DSCAM: variants seen among roughly 807,000 people sequenced by gnomAD.
DSCAM encodes cell adhesion molecule DSCAM.
DSCAM carries 47 observed loss-of-function variants against 217.7 expected under a neutral mutation model. The observed-to-expected ratio is 0.22, with a 90% CI of 0.17 to 0.28. DSCAM has a LOEUF of 0.28. Among genes scored for constraint, DSCAM ranks in the 10% least tolerant of loss-of-function variants. The probability of loss-of-function intolerance (pLI) is 1.00; values close to 1 mark genes in which losing one functional copy is unlikely to be tolerated. For missense variants in DSCAM, 2,080 were observed against 2,618.3 expected (o/e 0.79, Z 4.49); for synonymous variants, 1,056 against 1,015.3 (o/e 1.04, Z -0.76).
chr21:40,289,156 A>G (rs970721810), intron 10 of DSCAM, among the ~76,000 whole-genome samples: 7 of 152,218 alleles, frequency 4.6e-5, no homozygotes, highest in Non-Finnish European at 1.0e-4. Context: ...TCTATTTCCT[A>G]TGAAATTAGA....
At chr21:40,240,356 T>TTTTTTG (rs2073134653) in intron 11 of DSCAM, among the ~76,000 whole-genome samples, 2 of 133,384 alleles carry the variant, frequency 1.5e-5, no homozygotes, top group African/African-American at 2.7e-5. Flanking sequence ...CTGGTTTTTT[T>TTTTTTG]TTTTTTTTTT....
chr21:40,199,437 T>C (rs139110229), intron 11 of DSCAM, among the ~76,000 whole-genome samples: 3 of 152,362 alleles, frequency 2.0e-5, no homozygotes, highest in Non-Finnish European at 4.4e-5. Context: ...TTTGCTATTG[T>C]AAATACTGCA....
At chr21:40,654,302 T>C (rs1297279520) in intron 3 of DSCAM, among the ~76,000 whole-genome samples, 1 of 152,194 alleles carries the variant, frequency 6.6e-6, no homozygotes, top group Non-Finnish European at 1.5e-5. Context: ...AATGGAGCTC[T>C]AGGTTGAGTC....
chr21:40,405,125 G>T (rs572690297), intron 3 of DSCAM, among the ~76,000 whole-genome samples: 19 of 152,330 alleles, frequency 1.2e-4, no homozygotes, highest in African/African-American at 4.6e-4. Flanking sequence ...CAGGAACTGA[G>T]AATCTAGTGG....
intron 15 of DSCAM, among the ~76,000 whole-genome samples, chr21:40,174,553 GA>G (rs1192417118): frequency 4.9e-5 from 7 of 144,086 alleles, no homozygotes; most frequent in African/African-American, 1.8e-4. Context: ...TTTTAAAGAT[GA>G]AAAAACTATG....
Position 40,498,630 on chromosome 21 carries a change from G to GTATA in DSCAM, c.509-129389_509-129386dup, listed in dbSNP as rs373254647. ...TATATAATATGTATATATGCACTAT[G>GTATA]TATATATATATATATAGTGTGTGTG... On this transcript the variant is annotated intron_variant, in intron 3 of 32. Transcript: ENST00000400454. Among the ~76,000 whole-genome samples the GTATA allele has an allele frequency of 5.4e-3, 537 of 99,702 alleles. 3 individuals carry two copies. Among genetic ancestry groups the GTATA allele is most frequent in the African/African-American group, 0.012 (344 of 28,974 alleles). The allele number at this position is 99,702 out of a possible 152,430, so 65.4% of individuals were successfully genotyped here. A position where few individuals can be genotyped will look rare whatever the true frequency, so the allele number is the denominator to read the frequency against.
intron 32 of DSCAM, among the ~76,000 whole-genome samples, chr21:40,020,687 C>A (rs1047819666): frequency 5.9e-5 from 9 of 152,184 alleles, no homozygotes; most frequent in Admixed American, 2.6e-4. Flanking sequence ...AGCTTGAACT[C>A]ACTTCCATGC....
At position 40,742,475 on chromosome 21, in the gene DSCAM, T is replaced by C. The variant is rs150507387; in HGVS notation, c.44-33704A>G. 3.6e-3 allele frequency among the ~76,000 whole-genome samples: 547 copies of C among 152,318 alleles called. 4 individuals are homozygous for C. Among genetic ancestry groups the C allele is most frequent in the African/African-American group, 0.013 (525 of 41,568 alleles). ...TTCTACAGACTCTGAAAGGACATGG[T>C]CCTACTGACACACTGATTTTCATCC... On this transcript the variant is annotated intron_variant, in intron 1 of 32. Coordinates refer to ENST00000400454, the MANE Select transcript of DSCAM (RefSeq NM_001389.5).
intron 20 of DSCAM, among the ~76,000 whole-genome samples, chr21:40,099,340 G>T (rs1281158318): frequency 6.6e-6 from 1 of 152,110 alleles, no homozygotes; most frequent in Admixed American, 6.5e-5. Context: ...GACTAATCAA[G>T]AATTGAAGTA....
intron 1 of DSCAM, among the ~76,000 whole-genome samples, chr21:40,724,661 T>C (rs532571986): frequency 1.3e-5 from 2 of 152,148 alleles, no homozygotes; most frequent in Non-Finnish European, 2.9e-5. Context: ...GAAAATGAAT[T>C]ATAACCAGAG....
rs2088291510 is a variant in DSCAM, at chr21:40,022,512, C to G, written c.5687-9126G>C. Among the ~76,000 whole-genome samples the G allele has an allele frequency of 2.0e-5, 3 of 152,154 alleles. No individual in the cohort carries two copies. The South Asian group carries it at 6.2e-4, about 32-fold the overall frequency. On this transcript the variant is annotated intron_variant, in intron 32 of 32. Coordinates refer to ENST00000400454, the MANE Select transcript of DSCAM (RefSeq NM_001389.5). ...ACCCCTCAGCCTCAGAATACTAGTC[C>G]ACAAGGAGTTACGACCTCAGTTCTT...
At chr21:40,403,050 A>C (rs889546994) in intron 3 of DSCAM, among the ~76,000 whole-genome samples, 1 of 152,170 alleles carries the variant, frequency 6.6e-6, no homozygotes, top group Admixed American at 6.5e-5. Context: ...AGACACTGAA[A>C]GCAGGCACTT....
At chr21:40,620,866 G>A (rs2089505151) in intron 3 of DSCAM, among the ~76,000 whole-genome samples, 1 of 152,194 alleles carries the variant, frequency 6.6e-6, no homozygotes, top group African/African-American at 2.4e-5. Flanking sequence ...CTTTCAGTAG[G>A]TGAGACAATA....
At chr21:40,323,886 CTGAGGTCAGGAGTT>C (rs370231510) in intron 8 of DSCAM, among the ~76,000 whole-genome samples, 14 of 151,930 alleles carry the variant, frequency 9.2e-5, no homozygotes, top group African/African-American at 3.1e-4. Context: ...GGCGGATCAT[CTGAGGTCAGGAGTT>C]TGAGGCCAGC....
chr21:40,806,273 C>T (rs747250674), intron 1 of DSCAM, among the ~76,000 whole-genome samples: 1 of 152,148 alleles, frequency 6.6e-6, no homozygotes, highest in Non-Finnish European at 1.5e-5. Flanking sequence ...CCATTATTGA[C>T]GTGATTGCTT....
intron 3 of DSCAM, among the ~76,000 whole-genome samples, chr21:40,570,808 A>G (rs934044103): frequency 2.6e-5 from 4 of 152,228 alleles, no homozygotes; most frequent in Non-Finnish European, 5.9e-5. Flanking sequence ...AAGGCAGGCC[A>G]ATAGACAATA....
intron 11 of DSCAM, among the ~76,000 whole-genome samples, chr21:40,275,322 T>A (rs1225384872): frequency 2.0e-5 from 3 of 152,008 alleles, no homozygotes; most frequent in Non-Finnish European, 2.9e-5. Flanking sequence ...AGAGTGAGCC[T>A]CTGCCTCAAA....
At chr21:40,171,362 G>A (rs1235419139) in intron 15 of DSCAM, among the ~76,000 whole-genome samples, 3 of 152,190 alleles carry the variant, frequency 2.0e-5, no homozygotes, top group African/African-American at 4.8e-5. Flanking sequence ...ACAGGTGTGA[G>A]CCACCATGCC....
chr21:40,147,473 A>G (rs1246553968), intron 16 of DSCAM, among the ~76,000 whole-genome samples: 1 of 152,226 alleles, frequency 6.6e-6, no homozygotes, highest in East Asian at 1.9e-4. Flanking sequence ...AAAAAGAAAA[A>G]GAAAATTCTT....
Sources: gnomAD v4.1 joint callset for allele counts (sites outside exome capture counted in the v4.1 genomes callset) on GRCh38, gnomAD v4.1.1 for gene constraint, MANE v1.5 for transcripts, NCBI Gene and HGNC (gene_info 2026-07-23, HGNC 2026-07-21) for gene names.